The following SUPT16H variants were observed in gnomAD, a reference collection of about 807,000 sequenced individuals.
The protein encoded by SUPT16H is SPT16 homolog, facilitates chromatin remodeling subunit.
In SUPT16H, 24 loss-of-function variants were observed where a neutral mutation model predicts 136.2. That is an observed-to-expected ratio of 0.18 (90% confidence interval 0.13 to 0.25). SUPT16H has a LOEUF of 0.25. SUPT16H is among the 10% of genes least tolerant of loss of function. SUPT16H has a pLI of 1.00. For synonymous variants in SUPT16H, 415 were observed against 428.2 expected, an observed-to-expected ratio of 0.97 and a Z score of 0.38; for missense variants, 623 against 1,270.2, an observed-to-expected ratio of 0.49 and a Z score of 7.74.
At chr14:21,356,648 G>A (rs1413375352) in intron 22 of SUPT16H, among the ~76,000 whole-genome samples, 1 of 152,186 alleles carries the variant, frequency 6.6e-6, no homozygotes, top group Non-Finnish European at 1.5e-5. Flanking sequence ...GCTGATGCAG[G>A]AAGGTTGCCT....
At chr14:21,376,066 T>G (rs991435360) in intron 1 of SUPT16H, among the ~76,000 whole-genome samples, 3 of 152,284 alleles carry the variant, frequency 2.0e-5, no homozygotes, top group Non-Finnish European at 4.4e-5. Context: ...CTAACCCAAC[T>G]TCATTCTTTT....
At position 21,354,368 on chromosome 14, in the gene SUPT16H, G is replaced by A. The variant is rs375877041; in HGVS notation, c.2790+43C>T. 3.9e-5 allele frequency: 62 copies of A among 1,607,602 alleles called. No individual in the cohort carries two copies. In the African/African-American group the frequency reaches 5.9e-4, roughly 15 times the overall value. ...CCATTCTAACTGACCAAATGATAGC[G>A]GGCAACACTGTGTACCAGAAAAGAA... On this transcript the variant is annotated intron_variant, in intron 23 of 25. Coordinates refer to ENST00000216297, the MANE Select transcript of SUPT16H (RefSeq NM_007192.4).
At chr14:21,376,972 C>T (rs888513753) in intron 1 of SUPT16H, among the ~76,000 whole-genome samples, 2 of 150,656 alleles carry the variant, frequency 1.3e-5, no homozygotes, top group African/African-American at 2.4e-5. Context: ...ACTCGGGAGG[C>T]TGAGGCAGGA....
intron 10 of SUPT16H, among the ~76,000 whole-genome samples, chr14:21,364,151 T>C (rs1234619360): frequency 6.6e-6 from 1 of 152,218 alleles, no homozygotes; most frequent in Non-Finnish European, 1.5e-5. Context: ...CAAGGTACTA[T>C]TTCAATGAAT....
At chr14:21,379,018 A>G (rs1393668964) in intron 1 of SUPT16H, among the ~76,000 whole-genome samples, 1 of 152,224 alleles carries the variant, frequency 6.6e-6, no homozygotes, top group Non-Finnish European at 1.5e-5. Context: ...CCTTAAAAAA[A>G]GAAAGTATTT....
At position 21,362,835 on chromosome 14, in the gene SUPT16H, C is replaced by T. The variant is rs773940603; in HGVS notation, c.1624G>A (p.Val542Met). 18 of 1,612,446 alleles carry T rather than the reference C, an allele frequency of 1.1e-5. No individual in the cohort carries two copies. The Admixed American group carries it at 1.3e-4, about 12-fold the overall frequency. Residue 542 changes from valine (V) to methionine (M), a missense_variant, in exon 14 of 26, where the codon GTG becomes ATG. Physicochemically the swap from Val to Met is conservative, Grantham distance 21. Transcript: ENST00000216297. The stretch of plus-strand genomic sequence containing the variant: ...TGAAACGGTGTTGCAATGCCAAACA[C>T]GGGCATTATTACAGTCTCATATTTC... ...DKKYETVIMP[V>M]FGIATPFHIA...
intron 18 of SUPT16H, among the ~76,000 whole-genome samples, 156 bp downstream of exon 18, chr14:21,360,259 C>T (rs1439765550): frequency 1.3e-5 from 2 of 152,098 alleles, no homozygotes; most frequent in Admixed American, 1.3e-4. Flanking sequence ...AACTCCCGAC[C>T]TCAGGTGATC....
rs772318526 is a variant in SUPT16H, at chr14:21,366,500, C to T, written c.985G>A (p.Val329Ile). The T allele has an allele frequency of 1.2e-6, 2 of 1,614,112 alleles. No individual in the cohort carries two copies. The highest frequency in any genetic ancestry group is 2.2e-5 in the South Asian group (2 of 91,062). ...TTCTGCTTTTTAACCACGTCCATGA[C>T]AGCGTTATACACGTCACATATCTTC... ...GVKICDVYNA[V>I]MDVVKKQKPE... The change falls in exon 8 of 26, where the codon GTC (valine) becomes ATC (isoleucine). Residue 329 changes from valine to isoleucine, a missense_variant. Around this residue, in one of 7 missense-constraint regions of SUPT16H, gnomAD observed 343 missense variants for 525.7 expected, o/e 0.65. Coordinates refer to ENST00000216297, the MANE Select transcript of SUPT16H (RefSeq NM_007192.4).
intron 7 of SUPT16H, 126 bp from the exon 8 acceptor site, chr14:21,366,655 A>T (rs1455341747): frequency 1.4e-5 from 5 of 359,420 alleles, no homozygotes; most frequent in South Asian, 6.6e-5. Context: ...CAGTCCACTC[A>T]CTTTTTTTTT....
chr14:21,378,395 A>G (rs1411924320), intron 1 of SUPT16H, among the ~76,000 whole-genome samples: 2 of 152,244 alleles, frequency 1.3e-5, no homozygotes, highest in Non-Finnish European at 2.9e-5. Flanking sequence ...TACTTCACCC[A>G]GCAGTGAAAA....
intron 14 of SUPT16H, 77 bp from the exon 15 acceptor site, chr14:21,362,401 G>A: frequency 1.4e-6 from 2 of 1,448,942 alleles, no homozygotes; most frequent in East Asian, 2.3e-5. Flanking sequence ...TTAAAATTAA[G>A]TTAGGAGTTA....
At chr14:21,360,327 C>T in intron 18 of SUPT16H, 88 bp downstream of exon 18, 2 of 1,084,144 alleles carry the variant, frequency 1.8e-6, no homozygotes, top group Non-Finnish European at 1.4e-6. Flanking sequence ...CGCGCCCAGC[C>T]CTTTCATCAC....
chr14:21,376,956 C>A (rs1886914329), intron 1 of SUPT16H, among the ~76,000 whole-genome samples: 1 of 151,728 alleles, frequency 6.6e-6, no homozygotes. Context: ...ACCTGTAATC[C>A]CAGCTACTCG....
chr14:21,366,424 G>A lies in SUPT16H; in HGVS notation c.1046+15C>T, dbSNP rs1349171851. ...GAAAACTGACTCAAGAATGACAATAGACATCATGGCATACCCTAGGTTTTT... is the reference window on the plus strand; with the variant it reads ...GAAAACTGACTCAAGAATGACAATAAACATCATGGCATACCCTAGGTTTTT... On this transcript the variant is annotated intron_variant, in intron 8 of 25. Coordinates refer to ENST00000216297, the MANE Select transcript of SUPT16H (RefSeq NM_007192.4). The A allele has an allele frequency of 6.2e-7, 1 of 1,610,862 alleles. No individual in the cohort carries two copies. The highest frequency in any genetic ancestry group is 1.3e-5 in the African/African-American group (1 of 74,842).
intron 1 of SUPT16H, among the ~76,000 whole-genome samples, chr14:21,379,680 C>G (rs1329283174): frequency 6.6e-6 from 1 of 151,808 alleles, no homozygotes; most frequent in East Asian, 1.9e-4. Context: ...ACGGTGGAAC[C>G]CTGTCTCCAC....
intron 10 of SUPT16H, among the ~76,000 whole-genome samples, chr14:21,364,046 G>A (rs1189735819): frequency 6.6e-6 from 1 of 152,172 alleles, no homozygotes; most frequent in East Asian, 1.9e-4. Flanking sequence ...GCCTGGCTCA[G>A]TTGCTTTCTA....
chr14:21,353,594 A>G, intron 24 of SUPT16H, 29 bp from the exon 25 acceptor site: 1 of 1,611,548 alleles, frequency 6.2e-7, no homozygotes, highest in Non-Finnish European at 8.5e-7. Flanking sequence ...AGCGTTAGTC[A>G]TCATGCGGGA....
At chr14:21,366,955 T>C (rs1177305685) in intron 7 of SUPT16H, among the ~76,000 whole-genome samples, 1 of 152,106 alleles carries the variant, frequency 6.6e-6, no homozygotes, top group Admixed American at 6.5e-5. Flanking sequence ...CATTCTTTTT[T>C]TTTTGGATGG....
intron 22 of SUPT16H, among the ~76,000 whole-genome samples, chr14:21,355,224 G>A (rs1021175011): frequency 6.6e-6 from 1 of 152,168 alleles, no homozygotes; most frequent in African/African-American, 2.4e-5. Context: ...GCCGGGTGCG[G>A]TGGCTCACGC....
Sources: gnomAD v4.1 joint callset for allele counts (sites outside exome capture counted in the v4.1 genomes callset) on GRCh38, gnomAD v4.1.1 for gene constraint, gnomAD v4.1.1 regional missense constraint, MANE v1.5 for transcripts, NCBI Gene and HGNC (gene_info 2026-07-23, HGNC 2026-07-21) for gene names.